MICAL2: variants seen among roughly 807,000 people sequenced by gnomAD.
MICAL2 encodes the protein [F-actin]-monooxygenase MICAL2.
MICAL2 carries 77 observed loss-of-function variants against 127.3 expected under a neutral mutation model. That is an observed-to-expected ratio of 0.60 (90% CI 0.50 to 0.73). MICAL2 has a LOEUF of 0.73. MICAL2 is among the 30% of genes least tolerant of loss of function. The probability of loss-of-function intolerance (pLI) is 0.00; values close to 1 mark genes in which losing one functional copy is unlikely to be tolerated. For missense variants in MICAL2, 1,351 were observed against 1,434.4 expected (o/e 0.94, Z 0.94); for synonymous variants, 570 against 551.1 (o/e 1.03, Z -0.48).
chr11:12,120,751 A>G (rs1850439342), intron 1 of MICAL2, among the ~76,000 whole-genome samples: 1 of 152,228 alleles, frequency 6.6e-6, no homozygotes, highest in Non-Finnish European at 1.5e-5. Flanking sequence ...TGAGGCTGGA[A>G]TCAGGCTGCT....
intron 3 of MICAL2, among the ~76,000 whole-genome samples, chr11:12,203,019 A>C (rs141196043): frequency 6.6e-6 from 1 of 152,276 alleles, no homozygotes; most frequent in African/African-American, 2.4e-5. Context: ...ATATAAACGA[A>C]ATACAATATG....
At chr11:12,358,367 A>G in exon 35 of MICAL2, 1 of 1,614,190 alleles carries the variant, frequency 6.2e-7, no homozygotes, top group East Asian at 2.2e-5. Context: ...GTGATTGAGC[A>G]AAGGGACAAA....
intron 3 of MICAL2, among the ~76,000 whole-genome samples, chr11:12,168,218 C>T (rs771463412): frequency 4.6e-5 from 7 of 151,030 alleles, no homozygotes; most frequent in Non-Finnish European, 8.9e-5. Context: ...CACACATATA[C>T]ACACATACAC....
intron 1 of MICAL2, among the ~76,000 whole-genome samples, chr11:12,133,349 T>C (rs1223871631): frequency 6.6e-6 from 1 of 152,208 alleles, no homozygotes; most frequent in East Asian, 1.9e-4. Context: ...CCCAAAGTGC[T>C]GGGATTACAG....
Position 12,162,348 on chromosome 11 carries a change from C to T in MICAL2, c.193C>T (p.Leu65=). The T allele has an allele frequency of 6.2e-7, 1 of 1,614,260 alleles. No homozygotes were observed. Among genetic ancestry groups the T allele is most frequent in the Non-Finnish European group, 8.5e-7 (1 of 1,180,048 alleles). The change falls in exon 3 of 28, where the codon CTG becomes TTG. Residue 65 remains leucine (L), a synonymous_variant. Transcript: ENST00000683283. ...GGTGACCACCTGGAAAGCCAAAGCC[C>T]TGTGGTACAAATTGGATAAGCGTGG... ...SKVTTWKAKA[L]WYKLDKRGSH...
chr11:12,342,194 T>C (rs1465107358), intron 32 of MICAL2, among the ~76,000 whole-genome samples: 1 of 152,232 alleles, frequency 6.6e-6, no homozygotes, highest in African/African-American at 2.4e-5. Context: ...GCTGCTTGCC[T>C]TTTGGCTGCA....
At chr11:12,260,177 G>A (rs1003432977) in intron 26 of MICAL2, 2 of 1,496,942 alleles carry the variant, frequency 1.3e-6, no homozygotes, top group African/African-American at 2.8e-5. Context: ...CGCTGACATG[G>A]CTGGCTGCCC....
chr11:12,242,304 A>G lies in MICAL2; in HGVS notation c.2428A>G (p.Arg810Gly), dbSNP rs538924542. ...SECLSRPWRA[R>G]AKSDLQLGGT... The stretch of plus-strand genomic sequence containing the variant: ...GTGCCTGAGCAGACCTTGGAGAGCC[A>G]GAGCCAAGTCTGACCTACAGCTGGG... Residue 810 changes from arginine (R) to glycine (G), a missense_variant, in exon 19 of 28, where the codon AGA becomes GGA. This residue lies in a region of MICAL2 where 752 missense variants were observed against 719.4 expected (regional missense o/e 1.05). Transcript: ENST00000683283. The G allele has an allele frequency of 4.3e-6, 7 of 1,614,176 alleles. No homozygotes were observed. The highest frequency in any genetic ancestry group is 3.3e-5 in the South Asian group (3 of 91,082).
chr11:12,144,016 T>C (rs548363927), intron 2 of MICAL2, among the ~76,000 whole-genome samples: 1 of 152,228 alleles, frequency 6.6e-6, no homozygotes, highest in East Asian at 1.9e-4. Flanking sequence ...CCCACTTTAA[T>C]GAATACCTTG....
chr11:12,283,940 A>C (rs1410765726), intron 2 of MICAL2, among the ~76,000 whole-genome samples: 1 of 152,206 alleles, frequency 6.6e-6, no homozygotes, highest in East Asian at 1.9e-4. Context: ...GGTTCTCACC[A>C]TCAGAAATTC....
intron 2 of MICAL2, among the ~76,000 whole-genome samples, chr11:12,150,678 G>C (rs1429842788): frequency 2.6e-5 from 4 of 152,092 alleles, no homozygotes; most frequent in African/African-American, 9.7e-5. Flanking sequence ...TACTGTACTG[G>C]CATCAAGTCC....
At chr11:12,288,208 G>A (rs970855465), downstream of MICAL2, among the ~76,000 whole-genome samples, 6 of 152,232 alleles carry the variant, frequency 3.9e-5, no homozygotes, top group East Asian at 1.9e-4. Flanking sequence ...AGCCCCCAGC[G>A]GCGACAGCAG....
intron 2 of MICAL2, among the ~76,000 whole-genome samples, chr11:12,286,747 T>C (rs768168234): frequency 4.6e-5 from 7 of 152,182 alleles, no homozygotes; most frequent in Non-Finnish European, 1.0e-4. Flanking sequence ...TCGTGGTGCA[T>C]GCCTATAGTC....
intron 3 of MICAL2, among the ~76,000 whole-genome samples, chr11:12,170,708 T>A (rs1170643974): frequency 6.6e-6 from 1 of 152,144 alleles, no homozygotes; most frequent in Non-Finnish European, 1.5e-5. Flanking sequence ...CCTGACCATC[T>A]CCTCCCCATT....
At chr11:12,286,555 A>AC (rs1465655421) in intron 2 of MICAL2, among the ~76,000 whole-genome samples, 1 of 152,152 alleles carries the variant, frequency 6.6e-6, no homozygotes, top group Non-Finnish European at 1.5e-5. Context: ...TGAGGGTGGT[A>AC]CCTGTCCCAT....
chr11:12,330,771 T>C (rs757167356), intron 32 of MICAL2, among the ~76,000 whole-genome samples: 4 of 145,976 alleles, frequency 2.7e-5, no homozygotes, highest in South Asian at 2.2e-4. Context: ...CAAATCATTA[T>C]GTTTTGCAGG....
intron 4 of MICAL2, among the ~76,000 whole-genome samples, chr11:12,204,898 A>G (rs1854482007): frequency 6.6e-6 from 1 of 152,214 alleles, no homozygotes; most frequent in Non-Finnish European, 1.5e-5. Flanking sequence ...GGAAGGGGCC[A>G]CACAAAACCA....
At chr11:12,116,075 C>T (rs1849996450) in intron 1 of MICAL2, among the ~76,000 whole-genome samples, 1 of 150,084 alleles carries the variant, frequency 6.7e-6, no homozygotes, top group South Asian at 2.1e-4. Flanking sequence ...CTGCCAGGTT[C>T]ATGCCATTCT....
intron 34 of MICAL2, among the ~76,000 whole-genome samples, chr11:12,357,596 T>A (rs2134914330): frequency 6.6e-6 from 1 of 152,212 alleles, no homozygotes; most frequent in Admixed American, 6.5e-5. Context: ...CCCAGCACTT[T>A]GGGAGGCTTA....
Sources: gnomAD v4.1 joint callset for allele counts (sites outside exome capture counted in the v4.1 genomes callset) on GRCh38, gnomAD v4.1.1 for gene constraint, gnomAD v4.1.1 regional missense constraint, MANE v1.5 for transcripts, NCBI Gene and HGNC (gene_info 2026-07-23, HGNC 2026-07-21) for gene names.